SORCS1: variants seen among roughly 807,000 people sequenced by gnomAD.
The protein encoded by SORCS1 is sortilin related VPS10 domain containing receptor 1, also known as VPS10 domain-containing receptor SorCS1.
In SORCS1, 60 loss-of-function variants were observed where a neutral mutation model predicts 146.1. That is an observed-to-expected ratio of 0.41 (90% confidence interval 0.33 to 0.51). The LOEUF (loss-of-function observed/expected upper bound fraction) is 0.51, where lower values mean the gene tolerates loss of function less well. SORCS1 is among the 20% of genes least tolerant of loss of function. The pLI, the probability that SORCS1 is intolerant of heterozygous loss-of-function variation, is 0.21. For missense variants in SORCS1, 1,352 were observed against 1,487.6 expected, an observed-to-expected ratio of 0.91 and a Z score of 1.50; for synonymous variants, 637 against 584.0, an observed-to-expected ratio of 1.09 and a Z score of -1.31.
intron 1 of SORCS1, among the ~76,000 whole-genome samples, chr10:107,145,489 C>T (rs544607278): frequency 3.3e-5 from 5 of 152,268 alleles, no homozygotes; most frequent in East Asian, 3.9e-4. Context: ...CTGTCCTACT[C>T]TAAATCACTG....
intron 2 of SORCS1, among the ~76,000 whole-genome samples, chr10:106,924,734 T>A (rs931393774): frequency 1.3e-5 from 2 of 148,790 alleles, no homozygotes; most frequent in African/African-American, 4.9e-5. Flanking sequence ...AAGTCTTTTT[T>A]TTTTTCAATT....
intron 1 of SORCS1, among the ~76,000 whole-genome samples, chr10:107,162,398 C>T (rs1357890586): frequency 6.6e-6 from 1 of 152,136 alleles, no homozygotes; most frequent in African/African-American, 2.4e-5. Flanking sequence ...TAAGAAGATT[C>T]GAGTTCAAAT....
intron 3 of SORCS1, among the ~76,000 whole-genome samples, chr10:106,777,932 G>T (rs1334893412): frequency 1.3e-5 from 2 of 152,148 alleles, no homozygotes; most frequent in Admixed American, 1.3e-4. Flanking sequence ...TGTATGAAAA[G>T]AAATCACTGC....
chr10:107,017,272 T>C (rs756135072), intron 1 of SORCS1, among the ~76,000 whole-genome samples: 3 of 152,140 alleles, frequency 2.0e-5, no homozygotes, highest in Non-Finnish European at 4.4e-5. Flanking sequence ...ATGAAACTGA[T>C]AAATTAACTC....
rs1334123920 is a variant in SORCS1 at position 106,986,804 on chromosome 10, A to T, written c.559-30224T>A. On this transcript the variant is annotated intron_variant, in intron 1 of 25. Transcript: ENST00000263054. ...TTAGATCGTATGTTTTCACTTCTGG[A>T]ATTTTTATTTTGCTTTTTTCATGAG... is the stretch of plus-strand genomic sequence containing the variant. Among the ~76,000 whole-genome samples, 4 of 151,926 alleles carry T rather than the reference A, an allele frequency of 2.6e-5. No individual in the cohort carries two copies. The South Asian group carries it at 8.3e-4, about 32-fold the overall frequency.
At chr10:106,793,397 T>C (rs1302901271) in intron 3 of SORCS1, among the ~76,000 whole-genome samples, 1 of 152,186 alleles carries the variant, frequency 6.6e-6, no homozygotes, top group African/African-American at 2.4e-5. Context: ...TACAGCCAAG[T>C]TGAAAGAGAC....
At chr10:107,106,684 A>T (rs1005260572) in intron 1 of SORCS1, among the ~76,000 whole-genome samples, 1 of 152,166 alleles carries the variant, frequency 6.6e-6, no homozygotes, top group Non-Finnish European at 1.5e-5. Context: ...TCCTAGAAAT[A>T]TATGTGTACT....
At chr10:106,981,172 C>T (rs1440477711) in intron 1 of SORCS1, among the ~76,000 whole-genome samples, 1 of 152,116 alleles carries the variant, frequency 6.6e-6, no homozygotes, top group Non-Finnish European at 1.5e-5. Flanking sequence ...CTTACCCCTC[C>T]CTCCAGATAA....
chr10:106,662,765 C>G (rs1036420151), intron 17 of SORCS1, among the ~76,000 whole-genome samples: 1 of 152,200 alleles, frequency 6.6e-6, no homozygotes, highest in Non-Finnish European at 1.5e-5. Context: ...CCTTCCTCAC[C>G]TTATTAATTT....
At chr10:106,905,006 C>T (rs1257495529) in intron 2 of SORCS1, among the ~76,000 whole-genome samples, 2 of 152,172 alleles carry the variant, frequency 1.3e-5, no homozygotes. Flanking sequence ...TATAACACAA[C>T]TCTACTGTGT....
At chr10:106,749,836 G>A (rs538766256) in intron 5 of SORCS1, among the ~76,000 whole-genome samples, 136 of 152,184 alleles carry the variant, frequency 8.9e-4, no homozygotes, top group African/African-American at 3.1e-3. Flanking sequence ...ATGAGTATAC[G>A]AGGAAGATAC....
intron 1 of SORCS1, among the ~76,000 whole-genome samples, chr10:107,012,420 C>T (rs957199421): frequency 6.6e-5 from 10 of 152,188 alleles, no homozygotes; most frequent in African/African-American, 2.4e-4. Flanking sequence ...GAATAATGGA[C>T]ATGATACATA....
intron 8 of SORCS1, among the ~76,000 whole-genome samples, chr10:106,706,095 A>G (rs1181218110): frequency 6.6e-6 from 1 of 152,166 alleles, no homozygotes; most frequent in Non-Finnish European, 1.5e-5. Context: ...TTGTTAGAAA[A>G]CCAATACATA....
At chr10:106,817,182 C>A (rs1341153554) in intron 3 of SORCS1, among the ~76,000 whole-genome samples, 1 of 152,190 alleles carries the variant, frequency 6.6e-6, no homozygotes, top group Non-Finnish European at 1.5e-5. Context: ...TCTCTTTCCC[C>A]AGCACAAGTT....
chr10:106,642,211 G>A (rs1358476221), intron 18 of SORCS1, among the ~76,000 whole-genome samples: 1 of 152,188 alleles, frequency 6.6e-6, no homozygotes, highest in Non-Finnish European at 1.5e-5. Context: ...AAGACTGTAG[G>A]AGAAAGTTGA....
intron 1 of SORCS1, among the ~76,000 whole-genome samples, chr10:107,140,160 T>C (rs1967692716): frequency 6.6e-6 from 1 of 152,180 alleles, no homozygotes; most frequent in African/African-American, 2.4e-5. Context: ...AAAAAGAAAA[T>C]ACATGTATAT....
intron 12 of SORCS1, among the ~76,000 whole-genome samples, chr10:106,678,748 A>G (rs1362304609): frequency 1.3e-5 from 2 of 152,202 alleles, no homozygotes; most frequent in African/African-American, 4.8e-5. Context: ...TTTCTCTAAC[A>G]TATGCATCCT....
intron 2 of SORCS1, among the ~76,000 whole-genome samples, chr10:106,905,950 A>C (rs1417802108): frequency 6.6e-6 from 1 of 152,232 alleles, no homozygotes; most frequent in African/African-American, 2.4e-5. Context: ...CTCTGAGGTC[A>C]TAACTAACTT....
chr10:107,057,855 C>T (rs938753923), intron 1 of SORCS1, among the ~76,000 whole-genome samples: 4 of 152,028 alleles, frequency 2.6e-5, no homozygotes, highest in African/African-American at 7.2e-5. Flanking sequence ...CTCCCCAGGC[C>T]GCAGTGCAGT....
Sources: allele counts gnomAD v4.1 joint callset (sites outside exome capture counted in the v4.1 genomes callset), GRCh38; gene constraint gnomAD v4.1.1; transcripts MANE v1.5; gene names NCBI Gene and HGNC (gene_info 2026-07-23, HGNC 2026-07-21).